SPECC1: variants seen among roughly 807,000 people sequenced by gnomAD.
The protein encoded by SPECC1 is cytospin-B.
In SPECC1, 62 loss-of-function variants were observed where a neutral mutation model predicts 104.1. That is an observed-to-expected ratio of 0.60 (90% CI 0.49 to 0.74). The LOEUF is 0.74. SPECC1 is among the 30% of genes least tolerant of loss of function. The pLI is 0.00. For missense variants in SPECC1, 1,306 were observed against 1,310.5 expected (o/e 1.00, Z 0.05); for synonymous variants, 513 against 501.6 (o/e 1.02, Z -0.30).
chr17:20,065,407 C>T (rs2046325260), intron 1 of SPECC1, among the ~76,000 whole-genome samples: 1 of 152,184 alleles, frequency 6.6e-6, no homozygotes, highest in African/African-American at 2.4e-5. Flanking sequence ...CTGGGTTCAA[C>T]TAATTTGCTG....
At chr17:20,095,116 C>T (rs1186767217) in intron 1 of SPECC1, among the ~76,000 whole-genome samples, 3 of 152,170 alleles carry the variant, frequency 2.0e-5, no homozygotes, top group Non-Finnish European at 4.4e-5. Context: ...AAATTAGTTA[C>T]TGTATAGGTC....
intron 3 of SPECC1, among the ~76,000 whole-genome samples, chr17:20,145,573 C>A (rs1287583132): frequency 6.6e-6 from 1 of 152,210 alleles, no homozygotes; most frequent in Non-Finnish European, 1.5e-5. Flanking sequence ...GTTTCAGTAT[C>A]TCTTTAAGAA....
intron 3 of SPECC1, among the ~76,000 whole-genome samples, chr17:20,202,653 A>G (rs2036508827): frequency 6.6e-6 from 1 of 152,202 alleles, no homozygotes; most frequent in Non-Finnish European, 1.5e-5. Flanking sequence ...AGAATACAGT[A>G]TATAATACAT....
intron 3 of SPECC1, among the ~76,000 whole-genome samples, chr17:20,115,677 A>C (rs929171654): frequency 6.6e-6 from 1 of 152,228 alleles, no homozygotes; most frequent in Admixed American, 6.5e-5. Flanking sequence ...AACTGTAGTT[A>C]TCTCTATAGA....
Position 20,125,205 on chromosome 17 carries a change from AAAC to A in SPECC1, c.283+14646_283+14648del, listed in dbSNP as rs1214254987. On this transcript the variant is annotated intron_variant, in intron 3 of 14. Coordinates refer to ENST00000395527, the MANE Select transcript of SPECC1 (RefSeq NM_001243439.2). The stretch of plus-strand genomic sequence containing the variant: ...AAAAAACAAAAACAAAAACAAAACA[AAAC>A]AAAAAAATTGCAGTTACTTTTCCAT... Among the ~76,000 whole-genome samples the A allele has an allele frequency of 6.3e-4, 19 of 29,958 alleles. 1 individual carries two copies. The highest frequency in any genetic ancestry group is 2.7e-4 in the Non-Finnish European group (3 of 11,230). The allele number at this position is 29,958 out of a possible 152,430, so 19.7% of individuals were successfully genotyped here.
At chr17:20,291,304 G>T (rs949748511) in intron 12 of SPECC1, among the ~76,000 whole-genome samples, 1 of 152,256 alleles carries the variant, frequency 6.6e-6, no homozygotes, top group African/African-American at 2.4e-5. Context: ...AATTGAGCAA[G>T]CTGCAGGGCC....
intron 3 of SPECC1, among the ~76,000 whole-genome samples, chr17:20,172,734 C>G (rs986754840): frequency 1.8e-4 from 27 of 152,244 alleles, no homozygotes; most frequent in African/African-American, 6.3e-4. Flanking sequence ...CCCACTAGCC[C>G]TTGATGAGTT....
intron 1 of SPECC1, among the ~76,000 whole-genome samples, chr17:20,022,326 T>C (rs576356040): frequency 6.6e-6 from 1 of 152,344 alleles, no homozygotes; most frequent in East Asian, 1.9e-4. Flanking sequence ...TTTTTGAGTT[T>C]CCATTGACAT....
intron 4 of SPECC1, among the ~76,000 whole-genome samples, chr17:20,219,277 C>T (rs1418717366): frequency 6.6e-6 from 1 of 152,122 alleles, no homozygotes; most frequent in African/African-American, 2.4e-5. Context: ...CAACAGTGTA[C>T]AAGGGTCTGC....
chr17:20,104,947 G>A (rs541262659), intron 2 of SPECC1, among the ~76,000 whole-genome samples: 2 of 151,976 alleles, frequency 1.3e-5, no homozygotes, highest in Non-Finnish European at 2.9e-5. Flanking sequence ...TGCCAGCCTG[G>A]AGAACCACCA....
chr17:20,248,271 C>T (rs557454976), intron 9 of SPECC1, among the ~76,000 whole-genome samples: 3 of 152,290 alleles, frequency 2.0e-5, no homozygotes, highest in South Asian at 4.2e-4. Flanking sequence ...GCCTGTTTGA[C>T]AGAAGCTAGG....
chr17:20,283,471 A>T lies in SPECC1; in HGVS notation c.2941-13490A>T, dbSNP rs528457698. Among the ~76,000 whole-genome samples the T allele has an allele frequency of 4.6e-5, 7 of 152,234 alleles. No homozygotes were observed. The South Asian group carries it at 1.5e-3, about 32-fold the overall frequency. On this transcript the variant is annotated intron_variant, in intron 12 of 14. Coordinates refer to ENST00000395527, the MANE Select transcript of SPECC1 (RefSeq NM_001243439.2). ...TTTGCCAGTTTGATGAGTGAAAATG[A>T]TATTTTACCGTTTTTATTTTCTGGT...
chr17:20,212,065 A>C (rs1325010650), intron 4 of SPECC1, among the ~76,000 whole-genome samples: 1 of 152,154 alleles, frequency 6.6e-6, no homozygotes, highest in Non-Finnish European at 1.5e-5. Flanking sequence ...TGAGTTCCTA[A>C]AGGTGAAATA....
chr17:20,112,132 C>A (rs1232370620), intron 3 of SPECC1: 3 of 763,466 alleles, frequency 3.9e-6, no homozygotes, highest in Non-Finnish European at 7.3e-6. Context: ...TACAACCACA[C>A]AGAGCACTTT....
At chr17:20,236,852 T>C in intron 7 of SPECC1, 1 of 1,613,916 alleles carries the variant, frequency 6.2e-7, no homozygotes, top group Non-Finnish European at 8.5e-7. Context: ...CCGTTTCTAT[T>C]TTCACAGCTC....
intron 3 of SPECC1, among the ~76,000 whole-genome samples, chr17:20,166,732 C>G (rs369521757): frequency 6.6e-6 from 1 of 152,106 alleles, no homozygotes; most frequent in African/African-American, 2.4e-5. Context: ...CTGTTTCACT[C>G]TTCTCTTTCC....
chr17:20,213,260 A>G (rs1285608386), intron 4 of SPECC1, among the ~76,000 whole-genome samples: 3 of 151,904 alleles, frequency 2.0e-5, no homozygotes, highest in Non-Finnish European at 4.4e-5. Flanking sequence ...ACTATGCCCA[A>G]TTTTTTATTT....
chr17:20,020,987 ACAGT>A (rs1332507042), intron 1 of SPECC1, among the ~76,000 whole-genome samples: 4 of 152,334 alleles, frequency 2.6e-5, no homozygotes, highest in Middle Eastern at 6.8e-3. Flanking sequence ...CATAATATAA[ACAGT>A]CAATTAACAT....
intron 3 of SPECC1, among the ~76,000 whole-genome samples, chr17:20,134,448 C>CT (rs1342106473): frequency 2.6e-5 from 4 of 151,794 alleles, no homozygotes; most frequent in African/African-American, 9.7e-5. Flanking sequence ...AGCTCCCATG[C>CT]TGACCCCTTG....
Sources: gnomAD v4.1 joint callset for allele counts (sites outside exome capture counted in the v4.1 genomes callset) on GRCh38, gnomAD v4.1.1 for gene constraint, MANE v1.5 for transcripts, NCBI Gene and HGNC (gene_info 2026-07-23, HGNC 2026-07-21) for gene names.